The following SLC24A3 variants were observed in gnomAD, a reference collection of about 807,000 sequenced individuals.
SLC24A3 encodes sodium/potassium/calcium exchanger 3.
Under a neutral mutation model 75.8 loss-of-function variants are expected in SLC24A3, and 28 were observed. That is an observed-to-expected ratio of 0.37 (90% CI 0.27 to 0.51). The LOEUF is 0.51. SLC24A3 is among the 20% of genes least tolerant of loss of function. The pLI, the probability that SLC24A3 is intolerant of heterozygous loss-of-function variation, is 0.94. For synonymous variants in SLC24A3, 372 were observed against 334.1 expected, an observed-to-expected ratio of 1.11 and a Z score of -1.24; for missense variants, 663 against 847.8, an observed-to-expected ratio of 0.78 and a Z score of 2.71.
At chr20:19,696,599 C>T (rs754857520) in intron 13 of SLC24A3, 198 bp from the exon 14 acceptor site, 1 of 473,122 alleles carries the variant, frequency 2.1e-6, no homozygotes, top group Non-Finnish European at 3.8e-6. Flanking sequence ...GGTCCTATTA[C>T]AGCACCGTCC....
intron 2 of SLC24A3, among the ~76,000 whole-genome samples, chr20:19,352,288 A>G (rs959131032): frequency 1.3e-5 from 2 of 152,164 alleles, no homozygotes; most frequent in African/African-American, 2.4e-5. Flanking sequence ...AGGGGGCCCT[A>G]TTGATGAAGG....
At chr20:19,447,817 T>C (rs1273752199) in intron 2 of SLC24A3, among the ~76,000 whole-genome samples, 3 of 152,216 alleles carry the variant, frequency 2.0e-5, no homozygotes, top group Non-Finnish European at 4.4e-5. Context: ...CACTTGGGAC[T>C]CCTTAGTGAA....
chr20:19,312,935 T>A (rs1984493474), intron 2 of SLC24A3, among the ~76,000 whole-genome samples: 1 of 151,964 alleles, frequency 6.6e-6, no homozygotes, highest in Non-Finnish European at 1.5e-5. Flanking sequence ...TATTGTAAAG[T>A]TCCCATTTAC....
At chr20:19,507,282 G>T (rs1988474883) in intron 2 of SLC24A3, among the ~76,000 whole-genome samples, 1 of 152,202 alleles carries the variant, frequency 6.6e-6, no homozygotes, top group South Asian at 2.1e-4. Flanking sequence ...GGAGAAGAGA[G>T]AAAACAACCA....
At chr20:19,580,151 C>A in intron 4 of SLC24A3, 77 bp downstream of exon 4, 2 of 1,324,154 alleles carry the variant, frequency 1.5e-6, no homozygotes, top group Non-Finnish European at 2.1e-6. Context: ...CCAGCCTCCT[C>A]ACCAAAGTCC....
At chr20:19,610,404 C>G (rs1234653957) in intron 6 of SLC24A3, among the ~76,000 whole-genome samples, 3 of 152,308 alleles carry the variant, frequency 2.0e-5, no homozygotes, top group Non-Finnish European at 4.4e-5. Context: ...GGCTGGGACC[C>G]CACAGATGCA....
At chr20:19,341,197 G>C (rs1985265549) in intron 2 of SLC24A3, among the ~76,000 whole-genome samples, 1 of 152,224 alleles carries the variant, frequency 6.6e-6, no homozygotes, top group African/African-American at 2.4e-5. Flanking sequence ...ACCACAGTAG[G>C]CAAACCAGCA....
intron 13 of SLC24A3, chr20:19,693,744 T>C: frequency 4.2e-6 from 1 of 238,702 alleles, no homozygotes; most frequent in Non-Finnish European, 8.2e-6. Context: ...ATTTTCTTTG[T>C]ACCAGAGGCT....
chr20:19,684,036 G>A (rs2032643878), intron 10 of SLC24A3, 140 bp from the exon 11 acceptor site: 2 of 891,650 alleles, frequency 2.2e-6, no homozygotes, highest in Non-Finnish European at 3.4e-6. Flanking sequence ...AAGAAGAGTG[G>A]ATGAGTGGAT....
intron 2 of SLC24A3, among the ~76,000 whole-genome samples, chr20:19,464,253 C>T (rs1266921866): frequency 6.6e-6 from 1 of 152,230 alleles, no homozygotes; most frequent in East Asian, 1.9e-4. Context: ...TCTGGCTCTT[C>T]GACTTCTGGG....
intron 1 of SLC24A3, among the ~76,000 whole-genome samples, chr20:19,225,670 T>A (rs1346605236): frequency 6.6e-6 from 1 of 152,198 alleles, no homozygotes; most frequent in Non-Finnish European, 1.5e-5. Context: ...GAGAACGTCA[T>A]AGATGGAGTT....
At chr20:19,532,633 G>T (rs1348231432) in intron 3 of SLC24A3, among the ~76,000 whole-genome samples, 1 of 152,196 alleles carries the variant, frequency 6.6e-6, no homozygotes, top group East Asian at 1.9e-4. Context: ...TCTGCAGAAT[G>T]GGGAGCTCAG....
intron 6 of SLC24A3, among the ~76,000 whole-genome samples, chr20:19,626,008 A>AT (rs1240025963): frequency 6.6e-6 from 1 of 151,716 alleles, no homozygotes; most frequent in Non-Finnish European, 1.5e-5. Context: ...TAGTTTATTC[A>AT]TTTTTCCTGA....
intron 7 of SLC24A3, among the ~76,000 whole-genome samples, chr20:19,664,272 T>C (rs532929967): frequency 6.6e-6 from 1 of 152,358 alleles, no homozygotes; most frequent in South Asian, 2.1e-4. Flanking sequence ...AAAAGAGCTG[T>C]CAATGCCTTC....
chr20:19,678,092 C>T (rs1382472011), intron 9 of SLC24A3, among the ~76,000 whole-genome samples: 2 of 150,862 alleles, frequency 1.3e-5, no homozygotes, highest in East Asian at 3.9e-4. Context: ...AATGAAAAGT[C>T]TCCCATGTCT....
chr20:19,676,279 C>T (rs1001401097), intron 9 of SLC24A3, among the ~76,000 whole-genome samples: 1 of 152,178 alleles, frequency 6.6e-6, no homozygotes, highest in African/African-American at 2.4e-5. Flanking sequence ...AACACATCCT[C>T]TCCTCTTCCC....
intron 6 of SLC24A3, among the ~76,000 whole-genome samples, chr20:19,605,232 G>T (rs919922564): frequency 6.6e-6 from 1 of 152,200 alleles, no homozygotes; most frequent in African/African-American, 2.4e-5. Context: ...TGATTGATCA[G>T]ATTTACTTAA....
intron 4 of SLC24A3, among the ~76,000 whole-genome samples, 194 bp downstream of exon 4, chr20:19,580,268 A>C (rs2031200552): frequency 6.6e-6 from 1 of 152,110 alleles, no homozygotes; most frequent in South Asian, 2.1e-4. Context: ...TGAGCATTTC[A>C]TGACTCTGAT....
chr20:19,325,689 T>G (rs1317259742), intron 2 of SLC24A3, among the ~76,000 whole-genome samples: 4 of 150,070 alleles, frequency 2.7e-5, no homozygotes, highest in African/African-American at 9.8e-5. Context: ...TTTGTTTTTT[T>G]GTTTTTGGAT....
Sources: gnomAD v4.1 joint callset for allele counts (sites outside exome capture counted in the v4.1 genomes callset) on GRCh38, gnomAD v4.1.1 for gene constraint, MANE v1.5 for transcripts, NCBI Gene and HGNC (gene_info 2026-07-23, HGNC 2026-07-21) for gene names.